The following ZRSR2 variants were observed in gnomAD, a reference collection of about 807,000 sequenced individuals.
The protein encoded by ZRSR2 is U2 small nuclear ribonucleoprotein auxiliary factor 35 kDa subunit-related protein 2.
In ZRSR2, 3 loss-of-function variants were observed where a neutral mutation model predicts 39.4. That is an observed-to-expected ratio of 0.08 (90% CI 0.03 to 0.20). The LOEUF is 0.20. Ranked by LOEUF, ZRSR2 falls within the 10% of genes least tolerant of loss-of-function variation. The pLI, the probability that ZRSR2 is intolerant of heterozygous loss-of-function variation, is 1.00. For synonymous variants in ZRSR2, 137 were observed against 136.0 expected, an observed-to-expected ratio of 1.01 and a Z score of -0.05; for missense variants, 256 against 391.5, an observed-to-expected ratio of 0.65 and a Z score of 2.92.
At position 15,795,919 on chromosome X, in the gene ZRSR2, G is replaced by A. The variant is rs190138398; in HGVS notation, c.122-3953G>A. 8.7e-3 allele frequency among the ~76,000 whole-genome samples: 978 copies of A among 112,118 alleles called. 6 individuals are homozygous for A. The highest frequency in any genetic ancestry group is 0.015 in the Non-Finnish European group (794 of 53,146). ...GGGTGGATCACGAGGTCGGGACTTC[G>A]AGGGCAGCCTGGCCAACATGGTGAA... On this transcript the variant is annotated intron_variant, in intron 2 of 10. Coordinates refer to ENST00000307771, the MANE Select transcript of ZRSR2 (RefSeq NM_005089.4).
At chrX:15,805,760 T>A (rs1932772980) in intron 5 of ZRSR2, among the ~76,000 whole-genome samples, 1 of 109,888 alleles carries the variant, frequency 9.1e-6, no homozygotes, top group East Asian at 2.9e-4. Context: ...TGAAACCCCG[T>A]CTGTACTAAA....
chrX:15,816,867 AT>A (rs200560119), intron 8 of ZRSR2, among the ~76,000 whole-genome samples: 3 of 108,624 alleles, frequency 2.8e-5, no homozygotes, highest in Admixed American at 9.9e-5. Flanking sequence ...AATTCTTTTT[AT>A]TTTTTTTTTC....
chrX:15,799,689 CT>C (rs756727890), intron 2 of ZRSR2, among the ~76,000 whole-genome samples, 182 bp from the exon 3 acceptor site: 4 of 111,427 alleles, frequency 3.6e-5, no homozygotes, highest in Admixed American at 9.6e-5. Flanking sequence ...TCTGCCACCC[CT>C]ATTGTCCTTT....
chrX:15,796,965 T>C (rs1450002766), intron 2 of ZRSR2, among the ~76,000 whole-genome samples: 1 of 107,651 alleles, frequency 9.3e-6, no homozygotes, highest in East Asian at 2.9e-4. Context: ...GGCTAATTTT[T>C]TTATTTTTAG....
chrX:15,809,892 G>A (rs1932853706), intron 7 of ZRSR2, among the ~76,000 whole-genome samples: 2 of 112,348 alleles, frequency 1.8e-5, no homozygotes, highest in South Asian at 7.3e-4. Flanking sequence ...GAGGAAAAGT[G>A]TTTTAATTTC....
At chrX:15,815,524 C>A (rs968395731) in intron 7 of ZRSR2, among the ~76,000 whole-genome samples, 153 bp from the exon 8 acceptor site, 2 of 112,565 alleles carry the variant, frequency 1.8e-5, no homozygotes, top group Admixed American at 1.9e-4. Context: ...CCAGGCTGGT[C>A]TCGAACTCTG....
chrX:15,816,438 A>G, intron 8 of ZRSR2, among the ~76,000 whole-genome samples: 1 of 111,528 alleles, frequency 9.0e-6, no homozygotes, highest in East Asian at 2.8e-4. Flanking sequence ...TTTTTTTTAC[A>G]CTGTTTTTAT....
chrX:15,823,184 G>A lies in ZRSR2; in HGVS notation c.1391G>A (p.Arg464His). 1 of 1,198,066 alleles carries A rather than the reference G, an allele frequency of 8.3e-7. No individual in the cohort carries two copies. The highest frequency in any genetic ancestry group is 1.1e-6 in the Non-Finnish European group (1 of 889,693). ...CAAAGTTCCTCTAGGTCCCGAAGTCGTGGCAGGAGGAGGTCGGGTAATAGA... is the reference window on the plus strand; with the variant it reads ...CAAAGTTCCTCTAGGTCCCGAAGTCATGGCAGGAGGAGGTCGGGTAATAGA... ...RSQSSSRSRS[R>H]GRRRSGNRDR... The change falls in exon 11 of 11, where the codon CGT (arginine) becomes CAT (histidine). Residue 464 changes from arginine to histidine, a missense_variant. Physicochemically the swap from Arg to His is conservative, Grantham distance 29. This residue lies in a region of ZRSR2 where 111 missense variants were observed against 116.7 expected (regional missense o/e 0.95). Coordinates refer to ENST00000307771, the MANE Select transcript of ZRSR2 (RefSeq NM_005089.4).
At chrX:15,805,124 A>G (rs1427939936) in intron 5 of ZRSR2, among the ~76,000 whole-genome samples, 1 of 112,200 alleles carries the variant, frequency 8.9e-6, no homozygotes, top group Non-Finnish European at 1.9e-5. Flanking sequence ...ATGTGTCTTC[A>G]TTGTAGTCAA....
chrX:15,803,620 C>G, intron 3 of ZRSR2, 68 bp from the exon 4 acceptor site: 1 of 1,118,471 alleles, frequency 8.9e-7, no homozygotes, highest in Non-Finnish European at 1.2e-6. Flanking sequence ...TCATTTTGCT[C>G]TCGTGTGTGT....
chrX:15,821,331 T>TA lies in ZRSR2; in HGVS notation c.937+1028dup, dbSNP rs201161176. Among the ~76,000 whole-genome samples the TA allele has an allele frequency of 6.2e-3, 617 of 99,143 alleles. 6 individuals are homozygous for TA. The highest frequency in any genetic ancestry group is 0.016 in the African/African-American group (440 of 27,353). 86.1% of individuals were successfully genotyped at this position (99,143 alleles called of 115,157 possible). On this transcript the variant is annotated intron_variant, in intron 10 of 10. Transcript: ENST00000307771. The stretch of plus-strand genomic sequence containing the variant: ...CCTCCAAAGCAGGGGACTATTTCAT[T>TA]AAAAAAAAAAAAACACTTTATTTTC...
chrX:15,814,181 T>A (rs1226148941), intron 7 of ZRSR2, among the ~76,000 whole-genome samples: 1 of 111,164 alleles, frequency 9.0e-6, no homozygotes, highest in African/African-American at 3.3e-5. Context: ...TCCTCCACAT[T>A]GTATGTTAGG....
chrX:15,820,244 G>A lies in ZRSR2; in HGVS notation c.865G>A (p.Gly289Arg), dbSNP rs368447909. ...ECQAALSLFNGRWYAGRQLQC... is the reference protein window; with the variant it reads ...ECQAALSLFNRRWYAGRQLQC... ...CCAAGCAGCCCTTTCTCTGTTTAACGGACGATGGTATGCAGGACGACAGCT... is the reference window on the plus strand; with the variant it reads ...CCAAGCAGCCCTTTCTCTGTTTAACAGACGATGGTATGCAGGACGACAGCT... Residue 289 changes from glycine (G) to arginine (R), a missense_variant, in exon 10 of 11, where the codon GGA becomes AGA. Around this residue, in one of 3 missense-constraint regions of ZRSR2, gnomAD observed 58 missense variants for 163.1 expected, o/e 0.36. Transcript: ENST00000307771. The A allele has an allele frequency of 2.6e-5, 31 of 1,209,909 alleles. No homozygotes were observed. Among genetic ancestry groups the A allele is most frequent in the East Asian group, 5.9e-5 (2 of 33,776 alleles).
At chrX:15,816,512 T>C (rs1360219611) in intron 8 of ZRSR2, among the ~76,000 whole-genome samples, 1 of 111,954 alleles carries the variant, frequency 8.9e-6, no homozygotes, top group Non-Finnish European at 1.9e-5. Context: ...TGCAGCATAC[T>C]TGGTGAAAAA....
At chrX:15,800,186 C>CTTT (rs752445746) in intron 3 of ZRSR2, among the ~76,000 whole-genome samples, 13 of 79,272 alleles carry the variant, frequency 1.6e-4, no homozygotes, top group Admixed American at 3.0e-4. Flanking sequence ...TTTTTTCTTT[C>CTTT]TTTTTTTTTT....
intron 4 of ZRSR2, 106 bp from the exon 5 acceptor site, chrX:15,804,005 T>C: frequency 1.0e-6 from 1 of 995,665 alleles, no homozygotes; most frequent in South Asian, 2.9e-5. Flanking sequence ...AAAAAACTGA[T>C]CTTATTCAGT....
At position 15,809,304 on chromosome X, in the gene ZRSR2, C is replaced by T; in HGVS notation, c.543C>T (p.Cys181=). 6.7e-6 allele frequency: 8 copies of T among 1,192,774 alleles called. No homozygotes were observed. Among genetic ancestry groups the T allele is most frequent in the Non-Finnish European group, 9.1e-6 (8 of 879,362 alleles). The change falls in exon 7 of 11, where the codon TGC becomes TGT. Residue 181 remains cysteine (C), a synonymous_variant. Transcript: ENST00000307771. ...NCPFYSKTGA[C]RFGDRCSRKH... ...CCTTCTACAGTAAAACAGGAGCTTG[C>T]AGATTTGGAGATAGGTAACTAATTT...
At chrX:15,813,052 T>C (rs1374962068) in intron 7 of ZRSR2, among the ~76,000 whole-genome samples, 1 of 112,375 alleles carries the variant, frequency 8.9e-6, no homozygotes, top group East Asian at 2.8e-4. Context: ...CAGCTTCACT[T>C]TAACATGCAA....
intron 6 of ZRSR2, 129 bp from the exon 7 acceptor site, chrX:15,809,071 C>T (rs1266356043): frequency 7.4e-6 from 4 of 540,303 alleles, no homozygotes; most frequent in Non-Finnish European, 9.6e-6. Context: ...TTGCCTGTTC[C>T]AACTTAAATG....
Sources: gnomAD v4.1 joint callset for allele counts (sites outside exome capture counted in the v4.1 genomes callset) on GRCh38, gnomAD v4.1.1 for gene constraint, gnomAD v4.1.1 regional missense constraint, MANE v1.5 for transcripts, NCBI Gene and HGNC (gene_info 2026-07-23, HGNC 2026-07-21) for gene names.